TSNARE1: variants seen among roughly 807,000 people sequenced by gnomAD.
The protein encoded by TSNARE1 is t-SNARE domain-containing protein 1.
A neutral mutation model predicts 62.0 loss-of-function variants in TSNARE1; 49 were observed. That is an observed-to-expected ratio of 0.79 (90% CI 0.63 to 1.00). TSNARE1 has a LOEUF of 1.00. Ranked by LOEUF, TSNARE1 falls within the 50% of genes least tolerant of loss-of-function variation. The pLI, the probability that TSNARE1 is intolerant of heterozygous loss-of-function variation, is 0.00. For synonymous variants in TSNARE1, 328 were observed against 294.4 expected (o/e 1.11, Z -1.17); for missense variants, 755 against 700.1 (o/e 1.08, Z -0.88).
intron 12 of TSNARE1, among the ~76,000 whole-genome samples, chr8:142,246,304 T>C (rs992392645): frequency 1.3e-5 from 2 of 152,084 alleles, no homozygotes; most frequent in African/African-American, 4.8e-5. Context: ...GGCTCCACAC[T>C]GTGCTGGTGG....
At chr8:142,218,284 G>T (rs1816036775) in intron 13 of TSNARE1, among the ~76,000 whole-genome samples, 3 of 152,160 alleles carry the variant, frequency 2.0e-5, no homozygotes, top group South Asian at 2.1e-4. Context: ...CAGGGTCAGG[G>T]CTCAGGGTGT....
intron 11 of TSNARE1, chr8:142,278,507 G>A: frequency 1.0e-6 from 1 of 985,476 alleles, no homozygotes; most frequent in Non-Finnish European, 1.2e-6. Flanking sequence ...CGAAGGGTGT[G>A]CCACCATATG....
intron 9 of TSNARE1, among the ~76,000 whole-genome samples, chr8:142,310,426 C>T (rs957254286): frequency 2.6e-5 from 4 of 151,488 alleles, no homozygotes; most frequent in African/African-American, 9.8e-5. Context: ...TTAACCTGGG[C>T]GCAGCCACAT....
intron 11 of TSNARE1, among the ~76,000 whole-genome samples, chr8:142,282,276 C>T (rs1821633958): frequency 6.6e-6 from 1 of 152,252 alleles, no homozygotes; most frequent in South Asian, 2.1e-4. Flanking sequence ...ATCTCTGCAA[C>T]CTCACAACCC....
intron 12 of TSNARE1, among the ~76,000 whole-genome samples, chr8:142,266,680 G>A (rs770956659): frequency 3.9e-5 from 6 of 152,158 alleles, no homozygotes; most frequent in Admixed American, 6.5e-5. Context: ...GATGTGCCCA[G>A]GAAGGTATTT....
intron 10 of TSNARE1, among the ~76,000 whole-genome samples, chr8:142,294,206 G>A (rs976692620): frequency 1.2e-4 from 19 of 152,190 alleles, no homozygotes; most frequent in African/African-American, 3.9e-4. Context: ...GAGGTGAGAC[G>A]CAGCAAAGGC....
intron 1 of TSNARE1, among the ~76,000 whole-genome samples, chr8:142,363,604 C>A (rs1253374957): frequency 6.6e-6 from 1 of 152,154 alleles, no homozygotes; most frequent in Non-Finnish European, 1.5e-5. Context: ...CCCAGGGAAT[C>A]CTGAGCTGCC....
chr8:142,365,602 G>GCA (rs1554674591), intron 1 of TSNARE1, among the ~76,000 whole-genome samples: 22,101 of 144,208 alleles, frequency 0.15, 1,688 homozygotes, highest in Non-Finnish European at 0.18. Flanking sequence ...ACATGCACAC[G>GCA]CACACACACA....
chr8:142,379,973 C>A (rs1836615615), intron 1 of TSNARE1, among the ~76,000 whole-genome samples: 1 of 152,226 alleles, frequency 6.6e-6, no homozygotes, highest in African/African-American at 2.4e-5. Context: ...CTGCCCCCAG[C>A]AGAGGAGAGA....
At chr8:142,401,048 C>G (rs1838253016) in intron 1 of TSNARE1, among the ~76,000 whole-genome samples, 1 of 152,202 alleles carries the variant, frequency 6.6e-6, no homozygotes, top group African/African-American at 2.4e-5. Flanking sequence ...TGGCTTGGTA[C>G]AGCCATGGTC....
At position 142,344,233 on chromosome 8, in the gene TSNARE1, T is replaced by C. The variant is rs1833038828; in HGVS notation, c.478A>G (p.Arg160Gly). The C allele has an allele frequency of 6.2e-7, 1 of 1,612,836 alleles. No individual in the cohort carries two copies. The highest frequency in any genetic ancestry group is 1.3e-5 in the African/African-American group (1 of 75,048). Residue 160 changes from arginine to glycine, a missense_variant, in exon 4 of 14, where the codon AGG becomes GGG. Arg to Gly is a moderately radical substitution (Grantham distance 125). Coordinates refer to ENST00000524325, the MANE Select transcript of TSNARE1 (RefSeq NM_145003.5). ...AGGATGCGGCTCCACACGCGGTACC[T>C]GCGAGTGGGCTCGGCCTTCAGCAGC... is the stretch of plus-strand genomic sequence containing the variant. The part of the protein sequence containing the change: ...TGLLKAEPTR[R>G]YRVWSRILQA...
intron 7 of TSNARE1, among the ~76,000 whole-genome samples, chr8:142,315,696 C>G (rs1170767892): frequency 6.6e-6 from 1 of 152,184 alleles, no homozygotes; most frequent in African/African-American, 2.4e-5. Context: ...ATTGCTCTGG[C>G]TCACCGTGGA....
rs543689468 is a variant in TSNARE1 at position 142,349,816 on chromosome 8, C to A, written c.89-3924G>T. Among the ~76,000 whole-genome samples the A allele has an allele frequency of 2.0e-5, 3 of 152,328 alleles. No individual in the cohort carries two copies. The East Asian group carries it at 5.8e-4, about 29-fold the overall frequency. On this transcript the variant is annotated intron_variant, in intron 2 of 13. Transcript: ENST00000524325. ...CTCTTCTCACCTCCCCTTCCCAACCCTGAGTTCACAAAGCTCATGAGCAGC... is the reference window on the plus strand; with the variant it reads ...CTCTTCTCACCTCCCCTTCCCAACCATGAGTTCACAAAGCTCATGAGCAGC...
intron 9 of TSNARE1, among the ~76,000 whole-genome samples, chr8:142,307,160 CT>C (rs1373031574): frequency 6.6e-6 from 1 of 152,156 alleles, no homozygotes; most frequent in African/African-American, 2.4e-5. Context: ...ACTCTTTTGG[CT>C]GCTGTAGAGT....
At chr8:142,349,444 T>C (rs1416563746) in intron 2 of TSNARE1, among the ~76,000 whole-genome samples, 1 of 152,196 alleles carries the variant, frequency 6.6e-6, no homozygotes, top group Non-Finnish European at 1.5e-5. Context: ...ATGTGGTAAA[T>C]ATTCAATCTG....
intron 10 of TSNARE1, among the ~76,000 whole-genome samples, chr8:142,285,362 G>A (rs1163974901): frequency 1.0e-4 from 15 of 147,574 alleles, no homozygotes; most frequent in East Asian, 5.9e-4. Flanking sequence ...ATGGATGGGT[G>A]GGTGGGTAGA....
chr8:142,256,590 C>CTAT (rs1818596065), intron 12 of TSNARE1, among the ~76,000 whole-genome samples: 1 of 149,972 alleles, frequency 6.7e-6, no homozygotes, highest in South Asian at 2.1e-4. Flanking sequence ...ACCACCATCA[C>CTAT]CATCACTATC....
intron 4 of TSNARE1, among the ~76,000 whole-genome samples, chr8:142,334,007 C>T (rs980645258): frequency 5.3e-5 from 8 of 152,188 alleles, no homozygotes; most frequent in Admixed American, 2.0e-4. Flanking sequence ...CCTAAAGGCG[C>T]CTCCTTACAT....
chr8:142,405,041 G>A (rs141167765), upstream of TSNARE1: 27 of 152,384 alleles, frequency 1.8e-4, no homozygotes, highest in African/African-American at 6.0e-4. Flanking sequence ...CCAGAGGAGG[G>A]GCTCCGTACC....
Sources: gnomAD v4.1 joint callset for allele counts (sites outside exome capture counted in the v4.1 genomes callset) on GRCh38, gnomAD v4.1.1 for gene constraint, MANE v1.5 for transcripts, NCBI Gene and HGNC (gene_info 2026-07-23, HGNC 2026-07-21) for gene names.